Variants in PIAS1 observed in about 807,000 individuals in gnomAD.
PIAS1 encodes E3 SUMO-protein ligase PIAS1.
In PIAS1, 6 loss-of-function variants were observed where a neutral mutation model predicts 71.3. The ratio of observed to expected loss-of-function variants is 0.08; its 90% CI spans 0.05 to 0.17. PIAS1 has a LOEUF of 0.17. PIAS1 is among the 10% of genes least tolerant of loss of function. PIAS1 has a pLI of 1.00. For synonymous variants in PIAS1, 303 were observed against 292.9 expected (o/e 1.03, Z -0.35); for missense variants, 555 against 793.6 (o/e 0.70, Z 3.61).
At chr15:68,089,178 A>G (rs993511096) in intron 2 of PIAS1, among the ~76,000 whole-genome samples, 1 of 152,258 alleles carries the variant, frequency 6.6e-6, no homozygotes, top group Non-Finnish European at 1.5e-5. Flanking sequence ...GGAAGACAGT[A>G]GTTCTGATAA....
At chr15:68,103,952 C>T (rs561175357) in intron 2 of PIAS1, among the ~76,000 whole-genome samples, 1 of 152,184 alleles carries the variant, frequency 6.6e-6, no homozygotes, top group South Asian at 2.1e-4. Flanking sequence ...TGGTTAAATA[C>T]CTAGAACTAG....
intron 8 of PIAS1, among the ~76,000 whole-genome samples, chr15:68,168,666 T>A (rs1445739461): frequency 6.8e-6 from 1 of 146,650 alleles, no homozygotes; most frequent in Non-Finnish European, 1.5e-5. Flanking sequence ...TTATTTAGAA[T>A]TTAGTGATTT....
intron 2 of PIAS1, among the ~76,000 whole-genome samples, chr15:68,123,278 C>CT (rs565405437): frequency 5.3e-5 from 8 of 152,042 alleles, no homozygotes; most frequent in Non-Finnish European, 8.8e-5. Flanking sequence ...TCTCAAACTC[C>CT]TGGCGTCAAG....
At chr15:68,119,986 T>C (rs1402294594) in intron 2 of PIAS1, among the ~76,000 whole-genome samples, 1 of 152,234 alleles carries the variant, frequency 6.6e-6, no homozygotes, top group Non-Finnish European at 1.5e-5. Flanking sequence ...TTTGTTTTTA[T>C]TTTTTAAAGA....
chr15:68,098,035 T>C (rs2092391327), intron 2 of PIAS1, among the ~76,000 whole-genome samples: 1 of 152,194 alleles, frequency 6.6e-6, no homozygotes, highest in Non-Finnish European at 1.5e-5. Flanking sequence ...TTCTAGATCT[T>C]ACTCTGTTCC....
At chr15:68,136,084 G>C (rs1595756412) in intron 2 of PIAS1, among the ~76,000 whole-genome samples, 1 of 56,948 alleles carries the variant, frequency 1.8e-5, no homozygotes, top group Non-Finnish European at 6.7e-5. Flanking sequence ...CAGACGGGAT[G>C]GCGGCCGGGA....
intron 2 of PIAS1, among the ~76,000 whole-genome samples, chr15:68,106,064 C>T (rs1429428552): frequency 6.6e-6 from 1 of 152,034 alleles, no homozygotes; most frequent in Non-Finnish European, 1.5e-5. Flanking sequence ...ACTACTTTTG[C>T]TGTATACCAA....
chr15:68,124,579 G>A (rs967185943), intron 2 of PIAS1, among the ~76,000 whole-genome samples: 10 of 151,872 alleles, frequency 6.6e-5, no homozygotes, highest in Non-Finnish European at 1.0e-4. Context: ...AAATTAGCCG[G>A]GTGTGGTGGT....
intron 1 of PIAS1, among the ~76,000 whole-genome samples, chr15:68,062,460 A>C (rs1056715131): frequency 1.3e-5 from 2 of 152,206 alleles, no homozygotes; most frequent in African/African-American, 4.8e-5. Context: ...CATTAACCAC[A>C]ATCAGTTCTA....
At chr15:68,122,698 A>G (rs535003295) in intron 2 of PIAS1, among the ~76,000 whole-genome samples, 1 of 152,362 alleles carries the variant, frequency 6.6e-6, no homozygotes, top group Non-Finnish European at 1.5e-5. Context: ...CCACACCAAG[A>G]TGAGTAGACT....
chr15:68,174,420 C>T lies in PIAS1; in HGVS notation c.1169+528C>T, dbSNP rs528128563. On this transcript the variant is annotated intron_variant, in intron 9 of 13. Coordinates refer to ENST00000249636, the MANE Select transcript of PIAS1 (RefSeq NM_016166.3). This position sits in a 1 kb window ranked among gnomAD's most constrained non-coding sequence, Gnocchi z 4.0. ...ACACCTCTTTGTTTTATCTATCCTACCAGACATCTTGGAATGTTCCTCTAA... is the reference window on the plus strand; with the variant it reads ...ACACCTCTTTGTTTTATCTATCCTATCAGACATCTTGGAATGTTCCTCTAA... 1.6e-4 allele frequency among the ~76,000 whole-genome samples: 25 copies of T among 152,320 alleles called. No individual in the cohort carries two copies. The highest frequency in any genetic ancestry group is 6.0e-4 in the African/African-American group (25 of 41,576).
rs146476307 is a variant in PIAS1 at position 68,186,943 on chromosome 15, AAC to A, written c.1663-595_1663-594del. Among the ~76,000 whole-genome samples the A allele has an allele frequency of 6.1e-3, 927 of 152,374 alleles. 3 individuals carry two copies. The highest frequency in any genetic ancestry group is 0.032 in the East Asian group (166 of 5,194). ...AACCGCCTAATGATGCATTTCTCAAAACACATCCGTGTCATTAAGCGACGCAT... is the reference window on the plus strand; with the variant it reads ...AACCGCCTAATGATGCATTTCTCAAAACATCCGTGTCATTAAGCGACGCAT... On this transcript the variant is annotated intron_variant, in intron 13 of 13. Coordinates refer to ENST00000249636, the MANE Select transcript of PIAS1 (RefSeq NM_016166.3). This position sits in a 1 kb window ranked among gnomAD's most constrained non-coding sequence, Gnocchi z 4.4.
intron 10 of PIAS1, 45 bp downstream of exon 10, chr15:68,175,812 A>G (rs760164292): frequency 1.5e-5 from 21 of 1,393,186 alleles, no homozygotes; most frequent in Non-Finnish European, 2.0e-5. Context: ...CTACTGCTCT[A>G]AGTCTGGTTT....
At chr15:68,085,211 A>T (rs1367022677) in intron 1 of PIAS1, among the ~76,000 whole-genome samples, 1 of 152,092 alleles carries the variant, frequency 6.6e-6, no homozygotes, top group Non-Finnish European at 1.5e-5. Context: ...GTAAGCTTAC[A>T]TGTGTCTTTT....
intron 2 of PIAS1, among the ~76,000 whole-genome samples, chr15:68,128,935 T>G (rs2092670741): frequency 6.6e-6 from 1 of 152,130 alleles, no homozygotes; most frequent in Non-Finnish European, 1.5e-5. Context: ...ATTTTTTTTC[T>G]CTTGGAAAAC....
intron 2 of PIAS1, among the ~76,000 whole-genome samples, chr15:68,133,546 A>G (rs1294648552): frequency 6.6e-6 from 1 of 152,192 alleles, no homozygotes; most frequent in Non-Finnish European, 1.5e-5. Context: ...AACGTGGTCC[A>G]GAATGAAACA....
intron 1 of PIAS1, among the ~76,000 whole-genome samples, chr15:68,055,597 C>A (rs1300241906): frequency 5.3e-5 from 8 of 152,064 alleles, no homozygotes; most frequent in African/African-American, 1.9e-4. Flanking sequence ...CGTATTATTT[C>A]GAGGCTCTGA....
chr15:68,115,347 A>AT (rs34155251), intron 2 of PIAS1, among the ~76,000 whole-genome samples: 3,922 of 151,820 alleles, frequency 0.026, 69 homozygotes, highest in South Asian at 0.039. Context: ...TGTAAATGGT[A>AT]TTTTTTTTAT....
chr15:68,127,837 G>A (rs563576702), intron 2 of PIAS1, among the ~76,000 whole-genome samples: 1 of 151,914 alleles, frequency 6.6e-6, no homozygotes, highest in Non-Finnish European at 1.5e-5. Flanking sequence ...ACCTCAGCTC[G>A]CTGCAACCTC....
Sources: allele counts gnomAD v4.1 joint callset (sites outside exome capture counted in the v4.1 genomes callset), GRCh38; gene constraint gnomAD v4.1.1; non-coding constraint Gnocchi (gnomAD v3.1); transcripts MANE v1.5; gene names NCBI Gene and HGNC (gene_info 2026-07-23, HGNC 2026-07-21).